PRG4: variants seen among roughly 807,000 people sequenced by gnomAD.
The protein encoded by PRG4 is articular superficial zone protein.
Under a neutral mutation model 91.2 loss-of-function variants are expected in PRG4, and 61 were observed. That is an observed-to-expected ratio of 0.67 (90% CI 0.54 to 0.83). PRG4 has a LOEUF of 0.83. PRG4 is among the 40% of genes least tolerant of loss of function. The pLI is 0.00. For missense variants in PRG4, 1,564 were observed against 1,714.2 expected (o/e 0.91, Z 1.55); for synonymous variants, 576 against 614.2 (o/e 0.94, Z 0.92).
intron 5 of PRG4, 38 bp from the exon 6 acceptor site, chr1:186,304,756 C>T (rs1212872370): frequency 3.8e-6 from 6 of 1,592,750 alleles, no homozygotes; most frequent in Non-Finnish European, 5.2e-6. Flanking sequence ...TGTTTTAAAT[C>T]ACAGTTGGTG....
At chr1:186,301,214 T>A (rs907861842) in intron 3 of PRG4, among the ~76,000 whole-genome samples, 4 of 152,194 alleles carry the variant, frequency 2.6e-5, no homozygotes, top group Admixed American at 2.0e-4. Context: ...ATTCAATTAC[T>A]GTGAATCTAT....
chr1:186,310,657 A>ATTTTTTTTTTTTTTTTTTTTTTTTTTT (rs746583527), intron 8 of PRG4, among the ~76,000 whole-genome samples: 2 of 135,880 alleles, frequency 1.5e-5, no homozygotes, highest in African/African-American at 2.9e-5. Context: ...TAATTTTTGT[A>ATTTTTTTTTTTTTTTTTTTTTTTTTTT]TTTTTTTTTG....
chr1:186,307,235 C>G lies in PRG4; in HGVS notation c.1516C>G (p.Pro506Ala). ...GCCTGCACCCACCACTCCCAAGGAGCCTGCACCCACCACCACCAAGGAGCC... is the reference window on the plus strand; with the variant it reads ...GCCTGCACCCACCACTCCCAAGGAGGCTGCACCCACCACCACCAAGGAGCC... ...KEPAPTTPKE[P>A]APTTTKEPSP... The change falls in exon 7 of 13, where the codon CCT becomes GCT. Residue 506 changes from proline to alanine, a missense_variant. Transcript: ENST00000445192. 2 of 1,580,886 alleles carry G rather than the reference C, an allele frequency of 1.3e-6. No individual in the cohort carries two copies. The highest frequency in any genetic ancestry group is 1.7e-6 in the Non-Finnish European group (2 of 1,166,594).
chr1:186,312,417 TG>T (rs1657334553), intron 11 of PRG4, 45 bp downstream of exon 11: 1 of 1,514,120 alleles, frequency 6.6e-7, no homozygotes, highest in Admixed American at 1.8e-5. Context: ...CATAAGTAGA[TG>T]TAATACAGTT....
chr1:186,310,164 A>G (rs1404953850), intron 8 of PRG4, among the ~76,000 whole-genome samples: 1 of 152,006 alleles, frequency 6.6e-6, no homozygotes, highest in Admixed American at 6.6e-5. Context: ...AAATTTAAAA[A>G]ATAAAATAAA....
chr1:186,301,071 C>T (rs1456403280), intron 3 of PRG4, among the ~76,000 whole-genome samples: 1 of 152,144 alleles, frequency 6.6e-6, no homozygotes, highest in Non-Finnish European at 1.5e-5. Flanking sequence ...AAGCTTTCAA[C>T]TATACACCTT....
At position 186,300,174 on chromosome 1, in the gene PRG4, A is replaced by T; in HGVS notation, c.160A>T (p.Met54Leu). 1 of 1,614,170 alleles carries T rather than the reference A, an allele frequency of 6.2e-7. No individual in the cohort carries two copies. Residue 54 changes from methionine to leucine, a missense_variant, in exon 3 of 13, where the codon ATG becomes TTG. By Grantham distance (15) the Met-to-Leu change is conservative. Coordinates refer to ENST00000445192, the MANE Select transcript of PRG4 (RefSeq NM_005807.6). ...CNCDYNCQHY[M>L]ECCPDFKRVC... ...CTGTGATTATAACTGTCAACACTAC[A>T]TGGAGTGCTGCCCTGATTTCAAGAG... is the stretch of plus-strand genomic sequence containing the variant.
rs1657528452 is a variant in PRG4, at chr1:186,314,533, T to C, written c.*755T>C. 1 of 938,808 alleles carries C rather than the reference T, an allele frequency of 1.1e-6. No homozygotes were observed. The highest frequency in any genetic ancestry group is 1.5e-6 in the Non-Finnish European group (1 of 646,386). The allele number at this position is 938,808 out of a possible 1,614,324, so 58.2% of individuals were successfully genotyped here. On this transcript the variant is annotated 3_prime_UTR_variant, in exon 13 of 13. Coordinates refer to ENST00000445192, the MANE Select transcript of PRG4 (RefSeq NM_005807.6). The stretch of plus-strand genomic sequence containing the variant: ...ATTATTTAATAAAACTTTGGAACAT[T>C]AAAAAAATAAATTGGAGGCTTAAGG...
At position 186,299,978 on chromosome 1, in the gene PRG4, C is replaced by G. The variant is rs77422143; in HGVS notation, c.77-113C>G. ...GCCTATTGCTGACATCATTCCAACA[C>G]CTTCTCGATCAATAAAATTCTCTCT... On this transcript the variant is annotated intron_variant, in intron 2 of 12. Transcript: ENST00000445192. The G allele has an allele frequency of 3.3e-4, 428 of 1,296,866 alleles. 5 individuals are homozygous for G. The East Asian group carries it at 9.7e-3, about 29-fold the overall frequency. 80.3% of individuals were successfully genotyped at this position (1,296,866 alleles called of 1,614,324 possible).
chr1:186,297,312 A>T (rs933423269), intron 2 of PRG4, among the ~76,000 whole-genome samples: 2 of 152,202 alleles, frequency 1.3e-5, no homozygotes. Context: ...ATTTTTGCCT[A>T]TATGTTGAAC....
At chr1:186,302,821 T>A (rs898278671) in intron 4 of PRG4, among the ~76,000 whole-genome samples, 3 of 152,172 alleles carry the variant, frequency 2.0e-5, no homozygotes, top group Non-Finnish European at 4.4e-5. Flanking sequence ...AGAGGATGTC[T>A]AGGGAGTGAA....
intron 2 of PRG4, among the ~76,000 whole-genome samples, chr1:186,299,630 GA>G (rs1656073264): frequency 6.6e-6 from 1 of 152,156 alleles, no homozygotes; most frequent in African/African-American, 2.4e-5. Flanking sequence ...GTGTGATAAT[GA>G]GCAAGTTGTC....
intron 4 of PRG4, among the ~76,000 whole-genome samples, chr1:186,303,743 G>A (rs913064777): frequency 2.0e-5 from 3 of 152,082 alleles, no homozygotes; most frequent in Admixed American, 1.3e-4. Flanking sequence ...AAAAAATTCT[G>A]AAGGCAAAGA....
chr1:186,307,943 A>T lies in PRG4; in HGVS notation c.2224A>T (p.Thr742Ser). ...TGCACCCACCACCACCAAGGAGCCC[A>T]CATCCACCACCTCTGACAAGCCCGC... is the stretch of plus-strand genomic sequence containing the variant. ...ELAPTTTKEP[T>S]STTSDKPAPT... The change falls in exon 7 of 13, where the codon ACA (threonine) becomes TCA (serine). Residue 742 changes from threonine to serine, a missense_variant. Physicochemically the swap from Thr to Ser is moderately conservative, Grantham distance 58. Around this residue, in one of 3 missense-constraint regions of PRG4, gnomAD observed 1,079 missense variants for 1,162.2 expected, o/e 0.93. Transcript: ENST00000445192. 1 of 1,600,408 alleles carries T rather than the reference A, an allele frequency of 6.2e-7. No individual in the cohort carries two copies. Among genetic ancestry groups the T allele is most frequent in the African/African-American group, 1.4e-5 (1 of 70,704 alleles).
chr1:186,302,017 C>A (rs1467286124), intron 4 of PRG4, among the ~76,000 whole-genome samples: 1 of 152,034 alleles, frequency 6.6e-6, no homozygotes, highest in African/African-American at 2.4e-5. Flanking sequence ...CAGGTTAAAT[C>A]AACAGTAATC....
Position 186,308,990 on chromosome 1 carries a change from A to C in PRG4, c.3271A>C (p.Asn1091His). 1 of 1,609,072 alleles carries C rather than the reference A, an allele frequency of 6.2e-7. No homozygotes were observed. Among genetic ancestry groups the C allele is most frequent in the Non-Finnish European group, 8.5e-7 (1 of 1,177,376 alleles). ...QTPNSKLVEV[N>H]PKSEDAGGAE... is the part of the protein sequence containing the mutation. ...TCCAAACTCCAAACTAGTTGAAGTA[A>C]ATCCAAAGAGTGAAGATGCAGGTGG... Residue 1091 changes from asparagine (N) to histidine (H), a missense_variant, in exon 7 of 13, where the codon AAT becomes CAT. This residue lies in a region of PRG4 where 1,079 missense variants were observed against 1,162.2 expected (regional missense o/e 0.93). Transcript: ENST00000445192.
At chr1:186,303,455 T>TA (rs11351654) in intron 4 of PRG4, among the ~76,000 whole-genome samples, 1,836 of 132,524 alleles carry the variant, frequency 0.014, 31 homozygotes, top group South Asian at 0.054. Context: ...TTCTTGTTCC[T>TA]AAAAAAAAAA....
Position 186,300,264 on chromosome 1 carries a change from T to G in PRG4, c.199+51T>G, listed in dbSNP as rs374179424. On this transcript the variant is annotated intron_variant, in intron 3 of 12. Coordinates refer to ENST00000445192, the MANE Select transcript of PRG4 (RefSeq NM_005807.6). ...TCTGTCAAGCAACACTGCGAGTCTG[T>G]GAGTCCCCCCTTGCACCCTCGTGCA... 5 of 1,611,696 alleles carry G rather than the reference T, an allele frequency of 3.1e-6. No individual in the cohort carries two copies. In the African/African-American group the frequency reaches 6.7e-5, roughly 22 times the overall value.
intron 11 of PRG4, 163 bp downstream of exon 11, chr1:186,312,535 C>T (rs2102039866): frequency 1.2e-6 from 1 of 820,200 alleles, no homozygotes; most frequent in Non-Finnish European, 1.9e-6. Flanking sequence ...TAACCAAAGA[C>T]CAATACTTTC....
Sources: gnomAD v4.1 joint callset for allele counts (sites outside exome capture counted in the v4.1 genomes callset) on GRCh38, gnomAD v4.1.1 for gene constraint, gnomAD v4.1.1 regional missense constraint, MANE v1.5 for transcripts, NCBI Gene and HGNC (gene_info 2026-07-23, HGNC 2026-07-21) for gene names.